SH3BGRL2: variants seen among roughly 807,000 people sequenced by gnomAD.
SH3BGRL2 encodes SH3 domain binding glutamate rich protein like 2.
In SH3BGRL2, 21 loss-of-function variants were observed where a neutral mutation model predicts 14.8. The observed-to-expected ratio is 1.42, with a 90% CI of 1.01 to 2.05. The LOEUF (loss-of-function observed/expected upper bound fraction) is 2.05, where lower values mean the gene tolerates loss of function less well. Ranked by LOEUF, SH3BGRL2 falls within the 30% of genes most tolerant of loss-of-function variation. The pLI is 0.00. For missense variants in SH3BGRL2, 147 were observed against 130.8 expected (o/e 1.12, Z -0.61); for synonymous variants, 50 against 47.8 (o/e 1.05, Z -0.19).
At chr6:79,607,951 AAAG>A in the SH3BGRL2 span, among the ~76,000 whole-genome samples, 1 of 152,154 alleles carries the variant, frequency 6.6e-6, no homozygotes, top group Non-Finnish European at 1.5e-5. Flanking sequence ...ATCTCAAAAA[AAAG>A]AAAAAGAAAA....
chr6:79,656,256 G>A (rs981894510), intron 1 of SH3BGRL2, among the ~76,000 whole-genome samples: 14 of 152,360 alleles, frequency 9.2e-5, no homozygotes, highest in African/African-American at 3.4e-4. Context: ...AAGCAGAGAG[G>A]TCATGACTTG....
At chr6:79,650,727 T>C (rs993656195) in intron 1 of SH3BGRL2, among the ~76,000 whole-genome samples, 1 of 152,056 alleles carries the variant, frequency 6.6e-6, no homozygotes, top group Non-Finnish European at 1.5e-5. Context: ...ACTCAAAAAC[T>C]TCCTGCCAAA....
At chr6:79,599,198 A>G in the SH3BGRL2 span, among the ~76,000 whole-genome samples, 1 of 152,142 alleles carries the variant, frequency 6.6e-6, no homozygotes, top group South Asian at 2.1e-4. Context: ...GGAAAATACT[A>G]AGTGTTAGCA....
the SH3BGRL2 span, among the ~76,000 whole-genome samples, chr6:79,567,443 T>C: frequency 6.6e-6 from 1 of 152,202 alleles, no homozygotes; most frequent in Non-Finnish European, 1.5e-5. Context: ...ATGTTACTGG[T>C]ACAGGATAGG....
intron 1 of SH3BGRL2, among the ~76,000 whole-genome samples, chr6:79,669,452 CTTTTTTTT>C (rs66477199): frequency 1.6e-5 from 2 of 122,962 alleles, no homozygotes; most frequent in Non-Finnish European, 3.3e-5. Context: ...AATTTATATT[CTTTTTTTT>C]TTTTTTTTTT....
chr6:79,662,865 A>G (rs181609881), intron 1 of SH3BGRL2, among the ~76,000 whole-genome samples: 189 of 152,044 alleles, frequency 1.2e-3, no homozygotes, highest in African/African-American at 4.3e-3. Context: ...TTTTTTGTCT[A>G]AACTTGTCTT....
the SH3BGRL2 span, among the ~76,000 whole-genome samples, chr6:79,625,981 T>G: frequency 6.6e-6 from 1 of 152,066 alleles, no homozygotes; most frequent in South Asian, 2.1e-4. Flanking sequence ...CCACTTAGAA[T>G]AGGAAAGGGA....
intron 2 of SH3BGRL2, among the ~76,000 whole-genome samples, chr6:79,681,701 G>T (rs149371297): frequency 6.6e-6 from 1 of 152,330 alleles, no homozygotes; most frequent in East Asian, 1.9e-4. Context: ...CAGTGTTTAT[G>T]TAAGACTTTT....
At chr6:79,696,338 T>C in intron 2 of SH3BGRL2, 147 bp from the exon 3 acceptor site, 2 of 572,190 alleles carry the variant, frequency 3.5e-6, no homozygotes, top group Non-Finnish European at 6.0e-6. Flanking sequence ...GCAAGCAGAC[T>C]AATTCAGCAG....
At chr6:79,585,044 CT>C in the SH3BGRL2 span, among the ~76,000 whole-genome samples, 21,995 of 134,894 alleles carry the variant, frequency 0.16, 1,959 homozygotes, top group Non-Finnish European at 0.21. Context: ...CAAAACCCAC[CT>C]TTTTTTTTTA....
chr6:79,570,500 G>C, the SH3BGRL2 span, among the ~76,000 whole-genome samples: 2 of 152,192 alleles, frequency 1.3e-5, no homozygotes, highest in Non-Finnish European at 2.9e-5. Flanking sequence ...AACCACAATT[G>C]TAAATGTCAT....
At chr6:79,659,676 A>C (rs1769500916) in intron 1 of SH3BGRL2, among the ~76,000 whole-genome samples, 1 of 152,148 alleles carries the variant, frequency 6.6e-6, no homozygotes, top group Non-Finnish European at 1.5e-5. Flanking sequence ...TTCTGTGAAG[A>C]AAGTCATTGG....
intron 1 of SH3BGRL2, among the ~76,000 whole-genome samples, chr6:79,658,674 G>C (rs1301089041): frequency 6.6e-6 from 1 of 152,170 alleles, no homozygotes; most frequent in Non-Finnish European, 1.5e-5. Context: ...GGGATTGCTA[G>C]GTCAAATGGT....
At chr6:79,588,962 A>G in the SH3BGRL2 span, among the ~76,000 whole-genome samples, 2 of 152,140 alleles carry the variant, frequency 1.3e-5, no homozygotes, top group African/African-American at 2.4e-5. Context: ...CAGTATCTCT[A>G]GGGGGTTGGT....
At chr6:79,605,138 C>G in the SH3BGRL2 span, among the ~76,000 whole-genome samples, 1 of 152,216 alleles carries the variant, frequency 6.6e-6, no homozygotes, top group Non-Finnish European at 1.5e-5. Flanking sequence ...TGTTTTCACA[C>G]TCTTGAAATG....
At chr6:79,601,784 T>C in the SH3BGRL2 span, among the ~76,000 whole-genome samples, 1 of 152,178 alleles carries the variant, frequency 6.6e-6, no homozygotes, top group Non-Finnish European at 1.5e-5. Context: ...TCATTCTCTC[T>C]GGGGGAATCC....
intron 1 of SH3BGRL2, among the ~76,000 whole-genome samples, chr6:79,647,835 C>T (rs901569485): frequency 1.3e-5 from 2 of 152,122 alleles, no homozygotes; most frequent in Admixed American, 1.3e-4. Flanking sequence ...ACAGATGTTG[C>T]TTTCCCTGTT....
In SH3BGRL2 at chr6:79,682,927, A is replaced by T. The variant is rs140749804; in HGVS notation, c.231+9128A>T. ...GACATGGATGAAGCTGGAAACCATCATTCTCAGCAAACTATCACAAGGACA... is the reference window on the plus strand; with the variant it reads ...GACATGGATGAAGCTGGAAACCATCTTTCTCAGCAAACTATCACAAGGACA... On this transcript the variant is annotated intron_variant, in intron 2 of 3. Transcript: ENST00000369838. 4.0e-3 allele frequency among the ~76,000 whole-genome samples: 608 copies of T among 152,304 alleles called. 9 individuals are homozygous for T. The highest frequency in any genetic ancestry group is 0.013 in the African/African-American group (557 of 41,560).
intron 1 of SH3BGRL2, among the ~76,000 whole-genome samples, chr6:79,666,563 C>A (rs1769663792): frequency 6.6e-6 from 1 of 151,972 alleles, no homozygotes; most frequent in Non-Finnish European, 1.5e-5. Flanking sequence ...TTTGAGGTAC[C>A]CTACTCAATC....
Sources: gnomAD v4.1 joint callset for allele counts (sites outside exome capture counted in the v4.1 genomes callset) on GRCh38, gnomAD v4.1.1 for gene constraint, MANE v1.5 for transcripts, NCBI Gene and HGNC (gene_info 2026-07-23, HGNC 2026-07-21) for gene names.